The following SCP2 variants were observed in gnomAD, a reference collection of about 807,000 sequenced individuals.
The protein encoded by SCP2 is sterol carrier protein 2, also known as SCP-2/3-oxoacyl-CoA thiolase.
Under a neutral mutation model 71.4 loss-of-function variants are expected in SCP2, and 48 were observed. The ratio of observed to expected loss-of-function variants is 0.67; its 90% confidence interval spans 0.53 to 0.86. SCP2 has a LOEUF of 0.86. SCP2 is among the 40% of genes least tolerant of loss of function. The probability of loss-of-function intolerance (pLI) is 0.00; values close to 1 mark genes in which losing one functional copy is unlikely to be tolerated. For missense variants in SCP2, 560 were observed against 655.6 expected, an observed-to-expected ratio of 0.85 and a Z score of 1.59; for synonymous variants, 220 against 218.1, an observed-to-expected ratio of 1.01 and a Z score of -0.08.
At chr1:53,004,613 C>T (rs1402634756) in intron 11 of SCP2, among the ~76,000 whole-genome samples, 1 of 152,224 alleles carries the variant, frequency 6.6e-6, no homozygotes, top group Non-Finnish European at 1.5e-5. Context: ...ATTCACCGCC[C>T]TTGTGAATGT....
intron 1 of SCP2, among the ~76,000 whole-genome samples, chr1:52,938,086 C>T (rs1194456871): frequency 1.3e-5 from 2 of 152,140 alleles, no homozygotes; most frequent in African/African-American, 4.8e-5. Context: ...TTATAATTCG[C>T]ATATAATGAG....
chr1:52,971,222 C>T (rs906786690), intron 6 of SCP2, among the ~76,000 whole-genome samples: 2 of 152,156 alleles, frequency 1.3e-5, no homozygotes, highest in African/African-American at 2.4e-5. Flanking sequence ...GTGATCCACC[C>T]GCCTCGGCCT....
chr1:52,971,465 C>T (rs796175560), intron 6 of SCP2, among the ~76,000 whole-genome samples: 4 of 152,252 alleles, frequency 2.6e-5, no homozygotes, highest in African/African-American at 9.6e-5. Flanking sequence ...GGAACAAGGG[C>T]CTTGACCCTC....
At chr1:52,950,704 G>A in intron 3 of SCP2, 51 bp from the exon 4 acceptor site, 1 of 1,496,858 alleles carries the variant, frequency 6.7e-7, no homozygotes, top group Non-Finnish European at 9.3e-7. Flanking sequence ...GTATTATGTT[G>A]CATTGCAACT....
chr1:52,985,893 T>G (rs534039877), intron 10 of SCP2, among the ~76,000 whole-genome samples: 2 of 152,304 alleles, frequency 1.3e-5, no homozygotes, highest in East Asian at 3.9e-4. Context: ...CTCACCTCCA[T>G]CTTCCTTGTC....
chr1:52,988,116 G>C lies in SCP2; in HGVS notation c.1061G>C (p.Gly354Ala), dbSNP rs1237869869. ...CCTAGTGGTGGACTGATTTCAAAGG[G>C]ACACCCACTAGGCGCTACAGGTAAT... The part of the protein sequence containing the change: ...INPSGGLISK[G>A]HPLGATGLAQ... Residue 354 changes from glycine (G) to alanine (A), a missense_variant, in exon 11 of 16, where the codon GGA becomes GCA. Gly to Ala is a moderately conservative substitution (Grantham distance 60, BLOSUM62 0). Around this residue, in one of 3 missense-constraint regions of SCP2, gnomAD observed 513 missense variants for 573.1 expected, o/e 0.90. Coordinates refer to ENST00000371514, the MANE Select transcript of SCP2 (RefSeq NM_002979.5). 3 of 1,573,344 alleles carry C rather than the reference G, an allele frequency of 1.9e-6. No homozygotes were observed. The highest frequency in any genetic ancestry group is 1.4e-5 in the African/African-American group (1 of 73,854).
intron 2 of SCP2, chr1:52,943,737 G>A (rs1654501986): frequency 6.4e-6 from 3 of 467,794 alleles, no homozygotes; most frequent in Admixed American, 4.5e-5. Context: ...CGCTGGAAGG[G>A]AGGTTTGCGA....
At chr1:53,005,798 GC>G (rs1172830136) in intron 11 of SCP2, among the ~76,000 whole-genome samples, 2 of 152,150 alleles carry the variant, frequency 1.3e-5, no homozygotes, top group African/African-American at 4.8e-5. Flanking sequence ...AGAGAAGAAG[GC>G]TTCAGATGAT....
intron 9 of SCP2, among the ~76,000 whole-genome samples, chr1:52,978,929 C>T (rs1658224314): frequency 6.6e-6 from 1 of 151,944 alleles, no homozygotes; most frequent in Non-Finnish European, 1.5e-5. Context: ...AGATTGAGTA[C>T]AAAATGGAAA....
chr1:52,938,574 C>G (rs990672269), intron 1 of SCP2, among the ~76,000 whole-genome samples: 2 of 152,162 alleles, frequency 1.3e-5, no homozygotes, highest in East Asian at 3.9e-4. Flanking sequence ...CACATTGTGT[C>G]TAGGATGATC....
chr1:52,998,515 G>A (rs1660088701), intron 11 of SCP2, among the ~76,000 whole-genome samples: 1 of 152,160 alleles, frequency 6.6e-6, no homozygotes, highest in East Asian at 1.9e-4. Context: ...GGGATTGCTT[G>A]AGCCCAGGAG....
chr1:52,981,195 G>A (rs1658459419), intron 10 of SCP2, among the ~76,000 whole-genome samples: 1 of 152,198 alleles, frequency 6.6e-6, no homozygotes, highest in Non-Finnish European at 1.5e-5. Context: ...GCTTCCTAAA[G>A]TGCTGGAATT....
intron 1 of SCP2, among the ~76,000 whole-genome samples, chr1:52,936,917 A>G (rs1488877408): frequency 6.6e-6 from 1 of 152,154 alleles, no homozygotes; most frequent in Non-Finnish European, 1.5e-5. Context: ...CCTTAAAACA[A>G]TTCATTAGGA....
chr1:52,969,555 C>T (rs1157990906), intron 6 of SCP2, among the ~76,000 whole-genome samples: 4 of 147,530 alleles, frequency 2.7e-5, no homozygotes, highest in Non-Finnish European at 4.5e-5. Context: ...GGCACAGTGA[C>T]TCACACCTGT....
At chr1:52,961,406 T>G (rs1656432712) in intron 5 of SCP2, 97 bp from the exon 6 acceptor site, 1 of 1,274,654 alleles carries the variant, frequency 7.8e-7, no homozygotes, top group African/African-American at 1.5e-5. Context: ...GTGTACTATG[T>G]GCTTAGAATA....
chr1:53,006,000 G>A (rs1660617185), intron 11 of SCP2, among the ~76,000 whole-genome samples: 2 of 152,158 alleles, frequency 1.3e-5, no homozygotes, highest in South Asian at 2.1e-4. Flanking sequence ...TTCAGTAGCC[G>A]ATTTGATCAA....
chr1:53,028,185 G>A (rs564237484), intron 13 of SCP2, 114 bp downstream of exon 13: 36 of 669,834 alleles, frequency 5.4e-5, no homozygotes, highest in East Asian at 5.3e-4. Flanking sequence ...ATGTTGTCAA[G>A]TATTGAGTGT....
chr1:52,971,223 G>A (rs865795672), intron 6 of SCP2, among the ~76,000 whole-genome samples: 2 of 151,972 alleles, frequency 1.3e-5, no homozygotes, highest in African/African-American at 2.4e-5. Context: ...TGATCCACCC[G>A]CCTCGGCCTC....
intron 13 of SCP2, among the ~76,000 whole-genome samples, chr1:53,034,619 C>G (rs1662791480): frequency 6.6e-6 from 1 of 152,038 alleles, no homozygotes; most frequent in Non-Finnish European, 1.5e-5. Context: ...AATTATATCT[C>G]AATGCTGTTG....
Sources: gnomAD v4.1 joint callset for allele counts (sites outside exome capture counted in the v4.1 genomes callset) on GRCh38, gnomAD v4.1.1 for gene constraint, gnomAD v4.1.1 regional missense constraint, MANE v1.5 for transcripts, NCBI Gene and HGNC (gene_info 2026-07-23, HGNC 2026-07-21) for gene names.